Variants in C3 observed in about 807,000 individuals in gnomAD.
C3 encodes the protein C3 and PZP-like alpha-2-macroglobulin domain-containing protein 1.
A neutral mutation model predicts 207.9 loss-of-function variants in C3; 97 were observed. The observed-to-expected ratio is 0.47, with a 90% CI of 0.40 to 0.55. C3 has a LOEUF of 0.55. Ranked by LOEUF, C3 falls within the 20% of genes least tolerant of loss-of-function variation. The pLI is 0.00. For missense variants in C3, 1,684 were observed against 2,171.7 expected (o/e 0.78, Z 4.46); for synonymous variants, 848 against 857.6 (o/e 0.99, Z 0.20).
At chr19:6,684,269 A>G in intron 33 of C3, 119 bp downstream of exon 33, 5 of 853,312 alleles carry the variant, frequency 5.9e-6, no homozygotes, top group Non-Finnish European at 1.0e-5. Flanking sequence ...GGATACTTAG[A>G]ACAGTATCAG....
intron 27 of C3, among the ~76,000 whole-genome samples, chr19:6,688,241 G>A (rs1367767799): frequency 6.8e-6 from 1 of 147,422 alleles, no homozygotes; most frequent in Non-Finnish European, 1.5e-5. Flanking sequence ...AGCGATTCTT[G>A]TGCCTTAGCC....
chr19:6,702,227 G>C lies in C3; in HGVS notation c.2355-15C>G, dbSNP rs542992174. 5 of 1,537,418 alleles carry C rather than the reference G, an allele frequency of 3.3e-6. No individual in the cohort carries two copies. Among genetic ancestry groups the C allele is most frequent in the Admixed American group, 1.7e-5 (1 of 59,948 alleles). The stretch of plus-strand genomic sequence containing the variant: ...TCGTAGAGATTCTGGATGGAGAAGA[G>C]GTTGGGGTATTAGGAGATGTCATCT... On this transcript the variant is annotated splice_polypyrimidine_tract_variant and intron_variant, in intron 18 of 40. Coordinates refer to ENST00000245907, the MANE Select transcript of C3 (RefSeq NM_000064.4).
In C3 at chr19:6,677,821, G is replaced by T; in HGVS notation, c.*61C>A. On this transcript the variant is annotated 3_prime_UTR_variant, in exon 41 of 41. Coordinates refer to ENST00000245907, the MANE Select transcript of C3 (RefSeq NM_000064.4). ...ATTTCAGCCTCTCCCTCTTGGCAAA[G>T]AACTCCAGACACGTGAGATATAACT... 6.2e-7 allele frequency: 1 copy of T among 1,604,020 alleles called. No individual in the cohort carries two copies. The highest frequency in any genetic ancestry group is 8.5e-7 in the Non-Finnish European group (1 of 1,173,390).
intron 19 of C3, 108 bp from the exon 20 acceptor site, chr19:6,697,902 G>C (rs1967573777): frequency 1.9e-6 from 2 of 1,076,020 alleles, no homozygotes; most frequent in South Asian, 2.8e-5. Flanking sequence ...CCCTAACTCA[G>C]CCTGTCTTTG....
chr19:6,712,183 C>G, intron 11 of C3, 74 bp downstream of exon 11: 9 of 1,574,564 alleles, frequency 5.7e-6, no homozygotes, highest in Non-Finnish European at 7.8e-6. Context: ...AATGACAGGA[C>G]CCCACTGTGC....
intron 11 of C3, among the ~76,000 whole-genome samples, chr19:6,711,518 T>G (rs1233445681): frequency 6.6e-6 from 1 of 152,134 alleles, no homozygotes; most frequent in African/African-American, 2.4e-5. Context: ...CTGGCGACAC[T>G]GGAAAAAGCA....
rs866279562 is a variant in C3 at position 6,713,281 on chromosome 19, C to T, written c.911G>A (p.Arg304Gln). 19 of 1,613,544 alleles carry T rather than the reference C, an allele frequency of 1.2e-5. No individual in the cohort carries two copies. The highest frequency in any genetic ancestry group is 5.0e-5 in the Admixed American group (3 of 59,992). Residue 304 changes from arginine (R) to glutamine (Q), a missense_variant, in exon 9 of 41, where the codon CGG becomes CAG. Coordinates refer to ENST00000245907, the MANE Select transcript of C3 (RefSeq NM_000064.4). ...EDGSGEVVLS[R>Q]KVLLDGVQNP... The stretch of plus-strand genomic sequence containing the variant: ...CTGCACCCCGTCCAGCAGTACCTTC[C>T]GGCTCAGCACAACCTCCCCCGAGCC...
chr19:6,693,554 C>T, intron 24 of C3, 67 bp from the exon 25 acceptor site: 1 of 1,447,504 alleles, frequency 6.9e-7, no homozygotes, highest in Middle Eastern at 1.8e-4. Flanking sequence ...CCAGAAAGGG[C>T]AGGGGCGGGG....
chr19:6,710,984 G>T lies in C3; in HGVS notation c.1479+3C>A, dbSNP rs1220465964. 5.6e-6 allele frequency: 9 copies of T among 1,613,790 alleles called. No homozygotes were observed. Among genetic ancestry groups the T allele is most frequent in the Non-Finnish European group, 7.6e-6 (9 of 1,179,830 alleles). ...GGGCTGAGGTTTCCAGGTGGCCACGGACCAGGTAGGTGTAGTAGCGGATCT... is the reference window on the plus strand; with the variant it reads ...GGGCTGAGGTTTCCAGGTGGCCACGTACCAGGTAGGTGTAGTAGCGGATCT... On this transcript the variant is annotated splice_donor_region_variant and intron_variant, in intron 12 of 40. Coordinates refer to ENST00000245907, the MANE Select transcript of C3 (RefSeq NM_000064.4).
intron 4 of C3, chr19:6,717,797 G>T: frequency 1.8e-6 from 1 of 545,780 alleles, no homozygotes; most frequent in Non-Finnish European, 3.3e-6. Flanking sequence ...GTGTTGTGTT[G>T]TGTGTGTTGT....
At chr19:6,720,452 C>A in intron 1 of C3, 64 bp downstream of exon 1, 1 of 1,175,456 alleles carries the variant, frequency 8.5e-7, no homozygotes, top group East Asian at 2.6e-5. Flanking sequence ...GGGACCTGGA[C>A]CCCCAAATGT....
intron 27 of C3, 34 bp downstream of exon 27, chr19:6,690,595 G>A (rs764857297): frequency 6.4e-7 from 1 of 1,553,774 alleles, no homozygotes; most frequent in South Asian, 1.1e-5. Flanking sequence ...CATCGGGTAA[G>A]GTAGGGTAGG....
In C3 at chr19:6,678,455, A is replaced by G; in HGVS notation, c.4631T>C (p.Val1544Ala). 1 of 1,613,956 alleles carries G rather than the reference A, an allele frequency of 6.2e-7. No individual in the cohort carries two copies. The highest frequency in any genetic ancestry group is 8.5e-7 in the Non-Finnish European group (1 of 1,179,918). ...AACCTTGACCAGTCGGGTCTTGTAC[A>G]CTGTGGGGGAGAGGCAGACAGTTTG... ...DKACEPGVDY[V>A]YKTRLVKVQL... The change falls in exon 39 of 41, where the codon GTG (valine) becomes GCG (alanine). Residue 1544 changes from valine (V) to alanine (A), a missense_variant and splice_region_variant. By Grantham distance (64) the Val-to-Ala change is moderately conservative. Coordinates refer to ENST00000245907, the MANE Select transcript of C3 (RefSeq NM_000064.4).
At position 6,713,520 on chromosome 19, in the gene C3, G is replaced by C; in HGVS notation, c.774-11C>G. On this transcript the variant is annotated splice_polypyrimidine_tract_variant and intron_variant, in intron 7 of 40. Transcript: ENST00000245907. ...TTCCCGTAGAGGAACCTACGGGACA[G>C]ACAAGGAGGGCTTCAGGTCCATCCC... is the stretch of plus-strand genomic sequence containing the variant. 6.3e-7 allele frequency: 1 copy of C among 1,594,400 alleles called. No homozygotes were observed. The highest frequency in any genetic ancestry group is 2.2e-5 in the East Asian group (1 of 44,772).
chr19:6,680,317 A>G (rs771984415), intron 35 of C3, 54 bp from the exon 36 acceptor site: 63 of 943,610 alleles, frequency 6.7e-5, no homozygotes, highest in Non-Finnish European at 1.0e-4. Context: ...GGAGTCCAGC[A>G]TTGTCTTGGG....
rs2145393597 is a variant in C3 at position 6,682,230 on chromosome 19, C to T, written c.4173-1G>A. On this transcript the variant is annotated splice_acceptor_variant, in intron 33 of 40. Coordinates refer to ENST00000245907, the MANE Select transcript of C3 (RefSeq NM_000064.4). LOFTEE classifies it high-confidence loss of function. ...AGTGGCATCCTGGTCTCCCCGGTAC[C>T]TGGATAGTGCAGAAAGAAGGGCATT... 1 of 1,612,304 alleles carries T rather than the reference C, an allele frequency of 6.2e-7. No homozygotes were observed. The highest frequency in any genetic ancestry group is 2.2e-5 in the East Asian group (1 of 44,876).
At position 6,690,641 on chromosome 19, in the gene C3, C is replaced by G; in HGVS notation, c.3477G>C (p.Glu1159Asp). Reference sequence around the variant, plus strand: ...GGAGGGCACTTACGTTGACCTGCTCCTCGCAAATATCTTTAGCCTCCTGCA... The same window carrying G: ...GGAGGGCACTTACGTTGACCTGCTCGTCGCAAATATCTTTAGCCTCCTGCA... The part of the protein sequence containing the change: ...ISLQEAKDIC[E>D]EQVNSLPGSI... The change falls in exon 27 of 41, where the codon GAG becomes GAC. Residue 1159 changes from glutamate to aspartate, a missense_variant. This residue lies in a region of C3 where 1,280 missense variants were observed against 1,739.1 expected (regional missense o/e 0.74). Transcript: ENST00000245907. 2 of 1,614,062 alleles carry G rather than the reference C, an allele frequency of 1.2e-6. No homozygotes were observed. The highest frequency in any genetic ancestry group is 1.7e-6 in the Non-Finnish European group (2 of 1,179,878).
intron 27 of C3, 61 bp from the exon 28 acceptor site, chr19:6,686,963 T>C (rs1599501575): frequency 3.9e-6 from 6 of 1,534,634 alleles, no homozygotes; most frequent in East Asian, 4.5e-5. Context: ...TTAGTAAGGA[T>C]CATTCGAGCA....
chr19:6,683,005 G>A (rs1917902201), intron 33 of C3: 1 of 152,724 alleles, frequency 6.5e-6, no homozygotes, highest in Admixed American at 6.5e-5. Context: ...TGCCATTTGA[G>A]AGATAGGTAG....
Sources: gnomAD v4.1 joint callset for allele counts (sites outside exome capture counted in the v4.1 genomes callset) on GRCh38, gnomAD v4.1.1 for gene constraint, gnomAD v4.1.1 regional missense constraint, MANE v1.5 for transcripts, NCBI Gene and HGNC (gene_info 2026-07-23, HGNC 2026-07-21) for gene names.